SLC22A9: variants seen among roughly 807,000 people sequenced by gnomAD.
SLC22A9 encodes the protein organic anion transporter 7.
A neutral mutation model predicts 50.1 loss-of-function variants in SLC22A9; 64 were observed. The ratio of observed to expected loss-of-function variants is 1.28; its 90% confidence interval spans 1.04 to 1.57. The LOEUF (loss-of-function observed/expected upper bound fraction) is 1.57, where lower values mean the gene tolerates loss of function less well. Ranked by LOEUF, SLC22A9 falls within the 40% of genes most tolerant of loss-of-function variation. SLC22A9 has a pLI of 0.00. For synonymous variants in SLC22A9, 261 were observed against 242.5 expected, an observed-to-expected ratio of 1.08 and a Z score of -0.71; for missense variants, 757 against 676.1, an observed-to-expected ratio of 1.12 and a Z score of -1.33.
intron 6 of SLC22A9, among the ~76,000 whole-genome samples, chr11:63,390,858 G>C (rs896241547): frequency 6.6e-6 from 1 of 151,812 alleles, no homozygotes; most frequent in Non-Finnish European, 1.5e-5. Flanking sequence ...TTCTTCTGCT[G>C]ATTTGGGGTT....
intron 6 of SLC22A9, among the ~76,000 whole-genome samples, chr11:63,406,167 T>G (rs2015032296): frequency 6.6e-6 from 1 of 152,196 alleles, no homozygotes; most frequent in South Asian, 2.1e-4. Flanking sequence ...CTCATTTTTA[T>G]CAAATAGAAG....
rs751100368 is a variant in SLC22A9, at chr11:63,369,808, T to C, written c.-249T>C. On this transcript the variant is annotated 5_prime_UTR_variant, in exon 1 of 10. Transcript: ENST00000279178. ...TTAAACACATTTCATTGTAAACGAC[T>C]GGGAGTATCTGAGCAAATTATTTCT... 7 of 458,760 alleles carry C rather than the reference T, an allele frequency of 1.5e-5. No homozygotes were observed. Among genetic ancestry groups the C allele is most frequent in the Non-Finnish European group, 2.7e-5 (7 of 261,058 alleles). The allele number at this position is 458,760 out of a possible 1,614,324, so 28.4% of individuals were successfully genotyped here. A position where few individuals can be genotyped will look rare whatever the true frequency, so the allele number is the denominator to read the frequency against.
intron 6 of SLC22A9, among the ~76,000 whole-genome samples, chr11:63,386,297 G>A (rs907576781): frequency 1.3e-5 from 2 of 151,972 alleles, no homozygotes; most frequent in African/African-American, 4.8e-5. Flanking sequence ...TACCAGGTTA[G>A]CATGATGCTG....
intron 5 of SLC22A9, among the ~76,000 whole-genome samples, 175 bp from the exon 6 acceptor site, chr11:63,381,983 GT>G (rs2014570999): frequency 6.6e-6 from 1 of 151,972 alleles, no homozygotes; most frequent in Non-Finnish European, 1.5e-5. Context: ...CTGCTTTAAC[GT>G]CCTAATTCAC....
intron 8 of SLC22A9, among the ~76,000 whole-genome samples, chr11:63,408,429 C>T (rs181507665): frequency 4.3e-4 from 65 of 152,302 alleles, no homozygotes; most frequent in Non-Finnish European, 4.6e-4. Flanking sequence ...CCCACATAAC[C>T]TTCTGAGCCA....
chr11:63,382,324 T>C (rs1244989865), intron 6 of SLC22A9, 47 bp downstream of exon 6: 2 of 1,368,728 alleles, frequency 1.5e-6, no homozygotes, highest in African/African-American at 1.5e-5. Context: ...ACTGGAGACA[T>C]GAATCTTGTC....
Position 63,370,009 on chromosome 11 carries a change from T to G in SLC22A9, c.-48T>G. 1 of 1,564,364 alleles carries G rather than the reference T, an allele frequency of 6.4e-7. No homozygotes were observed. Among genetic ancestry groups the G allele is most frequent in the Non-Finnish European group, 8.7e-7 (1 of 1,153,366 alleles). ...AACATTTTCCCTCTTTGAACCTCTC[T>G]GGATACAGTCATTTTGCCTCTACTT... On this transcript the variant is annotated 5_prime_UTR_variant, in exon 1 of 10. Transcript: ENST00000279178.
chr11:63,383,766 A>G (rs1591017616), intron 6 of SLC22A9, among the ~76,000 whole-genome samples: 1 of 152,126 alleles, frequency 6.6e-6, no homozygotes, highest in South Asian at 2.1e-4. Context: ...AAATGGATGA[A>G]CAGGTCGGGC....
intron 6 of SLC22A9, among the ~76,000 whole-genome samples, chr11:63,404,814 A>G (rs1310027978): frequency 6.6e-6 from 1 of 152,150 alleles, no homozygotes; most frequent in Non-Finnish European, 1.5e-5. Context: ...TTGCTCTGGC[A>G]CTGGTTGCCT....
chr11:63,377,373 A>C (rs2119884737), intron 5 of SLC22A9, among the ~76,000 whole-genome samples: 1 of 152,280 alleles, frequency 6.6e-6, no homozygotes, highest in South Asian at 2.1e-4. Flanking sequence ...ACCACAACAC[A>C]ATAAAAGAGA....
At chr11:63,407,732 A>G (rs2015064424) in intron 7 of SLC22A9, among the ~76,000 whole-genome samples, 1 of 152,142 alleles carries the variant, frequency 6.6e-6, no homozygotes, top group Middle Eastern at 3.2e-3. Flanking sequence ...GAGAACATGG[A>G]TGGGTCTTAT....
chr11:63,371,030 G>A (rs1303174988), intron 1 of SLC22A9, 105 bp from the exon 2 acceptor site: 1 of 760,192 alleles, frequency 1.3e-6, no homozygotes, highest in Non-Finnish European at 2.2e-6. Flanking sequence ...CACAGAGGAA[G>A]TTAGAGACTT....
At chr11:63,399,327 C>T (rs538425916) in intron 6 of SLC22A9, among the ~76,000 whole-genome samples, 44 of 152,244 alleles carry the variant, frequency 2.9e-4, no homozygotes, top group African/African-American at 9.6e-4. Context: ...TGTAAAATTA[C>T]ACCTGCACTA....
At chr11:63,399,142 T>C (rs2014911189) in intron 6 of SLC22A9, among the ~76,000 whole-genome samples, 2 of 152,186 alleles carry the variant, frequency 1.3e-5, no homozygotes, top group Admixed American at 1.3e-4. Context: ...AGAAGGTATA[T>C]AGAGGACTTA....
rs1209249061 is a variant in SLC22A9 at position 63,374,024 on chromosome 11, G to T, written c.792G>T (p.Val264=). 1 of 1,613,248 alleles carries T rather than the reference G, an allele frequency of 6.2e-7. No homozygotes were observed. The highest frequency in any genetic ancestry group is 8.5e-7 in the Non-Finnish European group (1 of 1,179,676). ...AIRDWHILQL[V]VSVPYFVIFL... ...GAGACTGGCATATCCTCCAGCTGGT[G>T]GTGTCTGTACCATACTTTGTGATCT... The change falls in exon 4 of 10, where the codon GTG becomes GTT. Residue 264 remains valine, a synonymous_variant. Transcript: ENST00000279178.
At chr11:63,376,138 G>C (rs1280686888) in intron 5 of SLC22A9, among the ~76,000 whole-genome samples, 2 of 152,072 alleles carry the variant, frequency 1.3e-5, no homozygotes, top group Admixed American at 6.6e-5. Flanking sequence ...CCAGAGGAAG[G>C]GTTAGTGAGC....
At chr11:63,403,526 A>G (rs2014985265) in intron 6 of SLC22A9, among the ~76,000 whole-genome samples, 1 of 152,134 alleles carries the variant, frequency 6.6e-6, no homozygotes, top group Admixed American at 6.6e-5. Context: ...GCATATGAAC[A>G]TATAAAGCTC....
rs1024520814 is a variant in SLC22A9 at position 63,375,873 on chromosome 11, G to T, written c.954+105G>T. ...AGGTAAAAAAAGGAAAGAAACACAG[G>T]TATGGTTATGGGCTGTATCACCTCA... On this transcript the variant is annotated intron_variant, in intron 5 of 9. Transcript: ENST00000279178. 2.8e-6 allele frequency: 4 copies of T among 1,413,200 alleles called. No homozygotes were observed. The African/African-American group carries it at 5.7e-5, about 20-fold the overall frequency. 87.5% of individuals were successfully genotyped at this position (1,413,200 alleles called of 1,614,324 possible).
chr11:63,392,700 G>A (rs916346328), intron 6 of SLC22A9, among the ~76,000 whole-genome samples: 3 of 151,964 alleles, frequency 2.0e-5, no homozygotes, highest in Admixed American at 1.3e-4. Context: ...CCTTGAGGAA[G>A]TCTCTTTTTT....
Sources: gnomAD v4.1 joint callset for allele counts (sites outside exome capture counted in the v4.1 genomes callset) on GRCh38, gnomAD v4.1.1 for gene constraint, MANE v1.5 for transcripts, NCBI Gene and HGNC (gene_info 2026-07-23, HGNC 2026-07-21) for gene names.